METTL15: variants seen among roughly 807,000 people sequenced by gnomAD.
The protein encoded by METTL15 is 12S rRNA N(4)-cytidine methyltransferase METTL15.
A neutral mutation model predicts 38.3 loss-of-function variants in METTL15; 34 were observed. The observed-to-expected ratio is 0.89, with a 90% CI of 0.68 to 1.18. The LOEUF (loss-of-function observed/expected upper bound fraction) is 1.18, where lower values mean the gene tolerates loss of function less well. METTL15 is among the 50% of genes most tolerant of loss of function. The pLI is 0.00. For synonymous variants in METTL15, 162 were observed against 170.9 expected, an observed-to-expected ratio of 0.95 and a Z score of 0.41; for missense variants, 438 against 498.4, an observed-to-expected ratio of 0.88 and a Z score of 1.15.
At chr11:28,472,227 T>C (rs1851309687) in intron 6 of METTL15, among the ~76,000 whole-genome samples, 1 of 152,170 alleles carries the variant, frequency 6.6e-6, no homozygotes, top group Admixed American at 6.6e-5. Flanking sequence ...CTATTTACTT[T>C]GAATATTTAA....
chr11:28,528,392 T>G (rs1027538323), downstream of METTL15, among the ~76,000 whole-genome samples: 13 of 152,182 alleles, frequency 8.5e-5, no homozygotes, highest in African/African-American at 2.9e-4. Flanking sequence ...CATTTCTCCC[T>G]CAGGGGAGGA....
chr11:28,455,886 T>G (rs995263142), intron 6 of METTL15, among the ~76,000 whole-genome samples: 2 of 151,910 alleles, frequency 1.3e-5, no homozygotes, highest in Non-Finnish European at 2.9e-5. Context: ...TTTTGTATTT[T>G]TAGTAGAGAT....
chr11:28,152,552 CT>C (rs888515612), intron 3 of METTL15, among the ~76,000 whole-genome samples: 10 of 150,066 alleles, frequency 6.7e-5, no homozygotes, highest in Non-Finnish European at 1.2e-4. Context: ...CTTTGAGGGC[CT>C]TTTTTTTTGT....
intron 6 of METTL15, among the ~76,000 whole-genome samples, chr11:28,518,686 A>G (rs866696661): frequency 1.3e-5 from 2 of 152,230 alleles, no homozygotes; most frequent in African/African-American, 4.8e-5. Context: ...AAAACAAACA[A>G]ACAGGACATA....
intron 3 of METTL15, among the ~76,000 whole-genome samples, chr11:28,348,732 G>GTATA (rs1165186770): frequency 1.5e-5 from 2 of 131,282 alleles, no homozygotes; most frequent in African/African-American, 5.7e-5. Context: ...ATGTATGTAT[G>GTATA]TATTTATATC....
At chr11:28,368,128 C>CAAAAAAAAAAAAAAAAA (rs796151908) in intron 5 of METTL15, among the ~76,000 whole-genome samples, 1 of 32,584 alleles carries the variant, frequency 3.1e-5, no homozygotes. Flanking sequence ...TTCTGCATAG[C>CAAAAAAAAAAAAAAAAA]AAAAAAAAAA....
intron 6 of METTL15, among the ~76,000 whole-genome samples, chr11:28,436,597 T>C (rs768376956): frequency 1.3e-5 from 2 of 151,914 alleles, no homozygotes; most frequent in Admixed American, 6.6e-5. Flanking sequence ...CATGGAATAC[T>C]GTTTTTAAAT....
intron 6 of METTL15, chr11:28,519,007 A>G (rs1431247399): frequency 6.6e-6 from 1 of 152,142 alleles, no homozygotes; most frequent in Non-Finnish European, 1.5e-5. Flanking sequence ...CAGGGAGGAG[A>G]GTCATTGCTT....
At chr11:28,123,831 T>C in intron 3 of METTL15, 1 of 1,389,342 alleles carries the variant, frequency 7.2e-7, no homozygotes, top group Non-Finnish European at 9.7e-7. Context: ...GAAATCTTTC[T>C]TTTGTTACAT....
chr11:28,274,461 A>G (rs1195085515), intron 4 of METTL15, among the ~76,000 whole-genome samples: 1 of 151,976 alleles, frequency 6.6e-6, no homozygotes, highest in Non-Finnish European at 1.5e-5. Flanking sequence ...TTTCAGCAGC[A>G]TTGTCAGTGA....
At chr11:28,165,091 T>G (rs1468008476) in intron 3 of METTL15, among the ~76,000 whole-genome samples, 1 of 152,146 alleles carries the variant, frequency 6.6e-6, no homozygotes, top group East Asian at 1.9e-4. Context: ...ATTTGTCCAC[T>G]GGTAGATGTT....
chr11:28,433,163 G>GTTTTTTTTT (rs1209820099), intron 6 of METTL15, among the ~76,000 whole-genome samples: 6 of 93,758 alleles, frequency 6.4e-5, no homozygotes, highest in East Asian at 2.7e-4. Context: ...GTTTTGTTTT[G>GTTTTTTTTT]TTTTTTTTGT....
chr11:28,109,055 T>C (rs1029587808), intron 1 of METTL15, among the ~76,000 whole-genome samples: 1 of 152,226 alleles, frequency 6.6e-6, no homozygotes, highest in Non-Finnish European at 1.5e-5. Flanking sequence ...AATCAAACTC[T>C]TCCCTCTTGG....
At chr11:28,129,648 G>A (rs1852669903) in intron 3 of METTL15, among the ~76,000 whole-genome samples, 1 of 151,974 alleles carries the variant, frequency 6.6e-6, no homozygotes, top group Non-Finnish European at 1.5e-5. Flanking sequence ...GACCTCAAGT[G>A]GTCTGTCTGT....
chr11:28,480,719 G>T (rs1037901083), intron 6 of METTL15, among the ~76,000 whole-genome samples: 1 of 152,136 alleles, frequency 6.6e-6, no homozygotes, highest in African/African-American at 2.4e-5. Flanking sequence ...GAGATATTAA[G>T]GTTTTAGAAT....
intron 6 of METTL15, among the ~76,000 whole-genome samples, chr11:28,511,939 G>T (rs981934329): frequency 6.6e-6 from 1 of 152,096 alleles, no homozygotes; most frequent in Non-Finnish European, 1.5e-5. Context: ...TTTTGACAGG[G>T]TGCTGATTGG....
At chr11:28,317,307 C>T (rs995072471) in intron 6 of METTL15, among the ~76,000 whole-genome samples, 1 of 152,038 alleles carries the variant, frequency 6.6e-6, no homozygotes, top group African/African-American at 2.4e-5. Flanking sequence ...TTTTAATTAA[C>T]AGTTTGAAAT....
Position 28,326,699 on chromosome 11 carries a change from TCTGGAGTAG to T in METTL15, c.779-3692_779-3684del, listed in dbSNP as rs1463927438. On this transcript the variant is annotated intron_variant, in intron 6 of 6. Coordinates refer to ENST00000407364, the MANE Select transcript of METTL15 (RefSeq NM_001113528.2). ...CTCAGATGATCCTCCTGCCTCAGCC[TCTGGAGTAG>T]CTGGGACTACAGGCATGCACCACCG... 1.1e-4 allele frequency among the ~76,000 whole-genome samples: 17 copies of T among 152,158 alleles called. 1 individual carries two copies. The highest frequency in any genetic ancestry group is 2.9e-5 in the Non-Finnish European group (2 of 68,024).
chr11:28,300,034 C>T (rs1461456839), intron 6 of METTL15, among the ~76,000 whole-genome samples: 1 of 152,066 alleles, frequency 6.6e-6, no homozygotes, highest in Non-Finnish European at 1.5e-5. Flanking sequence ...ATATCCTAAT[C>T]TTAACTTGAT....
Sources: gnomAD v4.1 joint callset for allele counts (sites outside exome capture counted in the v4.1 genomes callset) on GRCh38, gnomAD v4.1.1 for gene constraint, MANE v1.5 for transcripts, NCBI Gene and HGNC (gene_info 2026-07-23, HGNC 2026-07-21) for gene names.